Variants in FUT8 observed in about 807,000 individuals in gnomAD.
The protein encoded by FUT8 is alpha-(1,6)-fucosyltransferase.
FUT8 carries 29 observed loss-of-function variants against 71.3 expected under a neutral mutation model. The observed-to-expected ratio is 0.41, with a 90% confidence interval of 0.30 to 0.55. The LOEUF is 0.55. FUT8 is among the 20% of genes least tolerant of loss of function. The probability of loss-of-function intolerance (pLI) is 0.34; values close to 1 mark genes in which losing one functional copy is unlikely to be tolerated. For missense variants in FUT8, 544 were observed against 702.1 expected (o/e 0.77, Z 2.55); for synonymous variants, 254 against 239.3 (o/e 1.06, Z -0.57).
rs2066365802 is a variant in FUT8 at position 65,483,683 on chromosome 14, T to C, written c.-228+27965T>C. Among the ~76,000 whole-genome samples, 1 of 152,190 alleles carries C rather than the reference T, an allele frequency of 6.6e-6. No individual in the cohort carries two copies. The highest frequency in any genetic ancestry group is 1.5e-5 in the Non-Finnish European group (1 of 68,032). ...TAGGTTGATCTTTAAGTATTTTATA[T>C]TTTTTGATGCTTTTATAAATATTTA... On this transcript the variant is annotated intron_variant, in intron 2 of 10. Transcript: ENST00000673929. This position sits in a 1 kb window ranked among gnomAD's most constrained non-coding sequence, Gnocchi z 4.4.
rs76524259 is a variant in FUT8 at position 65,706,298 on chromosome 14, C to T, written c.836-15477C>T. On this transcript the variant is annotated intron_variant, in intron 7 of 10. Transcript: ENST00000673929. Reference sequence around the variant, plus strand: ...TGATTCCAAAGCCCATACTCTCAGCCACTACATGCTACAGTCAAAGACTGC... The same window carrying T: ...TGATTCCAAAGCCCATACTCTCAGCTACTACATGCTACAGTCAAAGACTGC... 4.2e-3 allele frequency among the ~76,000 whole-genome samples: 634 copies of T among 152,276 alleles called. 4 individuals are homozygous for T. Among genetic ancestry groups the T allele is most frequent in the East Asian group, 0.035 (179 of 5,182 alleles).
chr14:65,376,859 G>A, the FUT8 span, among the ~76,000 whole-genome samples: 2 of 151,948 alleles, frequency 1.3e-5, no homozygotes, highest in African/African-American at 4.8e-5. Context: ...TAGGTAGGGA[G>A]GTCTTGGAGA....
At chr14:65,419,501 T>A (rs966228774) in intron 1 of FUT8, among the ~76,000 whole-genome samples, 1 of 152,186 alleles carries the variant, frequency 6.6e-6, no homozygotes, top group African/African-American at 2.4e-5. Context: ...TTTGACTTAC[T>A]CAATTTCTCC....
intron 2 of FUT8, among the ~76,000 whole-genome samples, chr14:65,476,106 A>AGAGAGCACCTACACTATAG (rs1491469647): frequency 3.3e-5 from 5 of 152,128 alleles, no homozygotes; most frequent in Non-Finnish European, 7.4e-5. Flanking sequence ...AGATGAGATA[A>AGAGAGCACCTACACTATAG]GAGAGCACCT....
the FUT8 span, among the ~76,000 whole-genome samples, chr14:65,372,786 C>T: frequency 6.6e-6 from 1 of 152,164 alleles, no homozygotes; most frequent in Admixed American, 6.5e-5. Context: ...TCTGATAATA[C>T]TTTCAGTTTG....
chr14:65,401,229 T>G, the FUT8 span, among the ~76,000 whole-genome samples: 101,656 of 152,050 alleles, frequency 0.67, 34,134 homozygotes, highest in East Asian at 0.77. Flanking sequence ...AATGGTAAGA[T>G]CTATGAGTGA....
intron 8 of FUT8, among the ~76,000 whole-genome samples, chr14:65,723,708 C>T (rs1467013083): frequency 1.3e-5 from 2 of 152,080 alleles, no homozygotes; most frequent in African/African-American, 2.4e-5. Context: ...AGAGGAAAAC[C>T]CTTGGTATCA....
In FUT8 at chr14:65,611,209, GCGCGCGCGCGCGCGCACACA is replaced by G. The variant is rs1888905339; in HGVS notation, c.204-4767_204-4748del. ...TACACACACACACACGCGCGCGCGC[GCGCGCGCGCGCGCGCACACA>G]CACACACACACACACACACACACAC... On this transcript the variant is annotated intron_variant, in intron 3 of 10. Transcript: ENST00000673929. Among the ~76,000 whole-genome samples, 4 of 6,094 alleles carry G rather than the reference GCGCGCGCGCGCGCGCACACA, an allele frequency of 6.6e-4. 1 individual carries two copies. Among genetic ancestry groups the G allele is most frequent in the African/African-American group, 1.0e-3 (4 of 3,888 alleles). The allele number at this position is 6,094 out of a possible 152,430, so 4.0% of individuals were successfully genotyped here. A position where few individuals can be genotyped will look rare whatever the true frequency, so the allele number is the denominator to read the frequency against.
At chr14:65,393,097 C>T in the FUT8 span, among the ~76,000 whole-genome samples, 1 of 152,136 alleles carries the variant, frequency 6.6e-6, no homozygotes, top group Non-Finnish European at 1.5e-5. Flanking sequence ...CTGACACCCT[C>T]CACACAAGTA....
chr14:65,497,971 A>G (rs2066586355), intron 2 of FUT8, among the ~76,000 whole-genome samples: 1 of 152,134 alleles, frequency 6.6e-6, no homozygotes, highest in Admixed American at 6.6e-5. Context: ...ACTACAAATA[A>G]TTTATATAAC....
At chr14:65,694,758 T>C (rs1483821154) in intron 7 of FUT8, among the ~76,000 whole-genome samples, 1 of 151,398 alleles carries the variant, frequency 6.6e-6, no homozygotes, top group Non-Finnish European at 1.5e-5. Flanking sequence ...ATGGATGAAA[T>C]TGGAAATCAT....
chr14:65,580,438 A>G (rs150805549), intron 3 of FUT8, among the ~76,000 whole-genome samples: 23 of 151,912 alleles, frequency 1.5e-4, no homozygotes, highest in Middle Eastern at 3.5e-3. Context: ...ATGTGTATAT[A>G]ATACTGTATA....
chr14:65,739,840 A>G (rs546559158), intron 10 of FUT8, among the ~76,000 whole-genome samples: 1 of 152,190 alleles, frequency 6.6e-6, no homozygotes, highest in African/African-American at 2.4e-5. Flanking sequence ...ACCTTGAGCA[A>G]TGCCTTAACT....
intron 3 of FUT8, among the ~76,000 whole-genome samples, chr14:65,605,393 A>G (rs1412450675): frequency 6.6e-6 from 1 of 151,894 alleles, no homozygotes; most frequent in Admixed American, 6.6e-5. Context: ...CTCAGATGTG[A>G]TTGTATTTGG....
rs1030615161 is a variant in FUT8, at chr14:65,638,870, A to G, written c.597+9264A>G. Among the ~76,000 whole-genome samples, 4 of 152,238 alleles carry G rather than the reference A, an allele frequency of 2.6e-5. No homozygotes were observed. Among genetic ancestry groups the G allele is most frequent in the African/African-American group, 7.2e-5 (3 of 41,470 alleles). On this transcript the variant is annotated intron_variant, in intron 6 of 10. Coordinates refer to ENST00000673929, the MANE Select transcript of FUT8 (RefSeq NM_001371533.1). This position sits in a 1 kb window ranked among gnomAD's most constrained non-coding sequence, Gnocchi z 4.5. ...ATTTGTATTTCCGCCTAACCAAAAT[A>G]AAGCCAGAAGTGGTAATATCTGTAA...
At chr14:65,664,306 T>C (rs1485864505) in intron 6 of FUT8, among the ~76,000 whole-genome samples, 3 of 152,164 alleles carry the variant, frequency 2.0e-5, no homozygotes, top group African/African-American at 7.2e-5. Flanking sequence ...AATTAAATGA[T>C]ACAGATCTCC....
chr14:65,543,371 A>G (rs545944623), intron 2 of FUT8, among the ~76,000 whole-genome samples: 126 of 152,236 alleles, frequency 8.3e-4, no homozygotes, highest in African/African-American at 2.9e-3. Context: ...ATAAATTTGG[A>G]TAATATGTAT....
At chr14:65,455,996 G>A (rs1802318425) in intron 2 of FUT8, among the ~76,000 whole-genome samples, 2 of 152,220 alleles carry the variant, frequency 1.3e-5, no homozygotes, top group South Asian at 2.1e-4. Context: ...GGTTGAATGC[G>A]GTACACTGAA....
intron 8 of FUT8, 132 bp from the exon 9 acceptor site, chr14:65,724,015 T>C: frequency 1.7e-6 from 1 of 574,540 alleles, no homozygotes; most frequent in Non-Finnish European, 2.9e-6. Context: ...TTTTACTTTT[T>C]CTAATAGTGA....
Sources: gnomAD v4.1 joint callset for allele counts (sites outside exome capture counted in the v4.1 genomes callset) on GRCh38, gnomAD v4.1.1 for gene constraint, Gnocchi (gnomAD v3.1) non-coding constraint, MANE v1.5 for transcripts, NCBI Gene and HGNC (gene_info 2026-07-23, HGNC 2026-07-21) for gene names.